Variants in CPLX2 observed in about 807,000 individuals in gnomAD.
CPLX2 encodes the protein complexin 2.
CPLX2 carries 5 observed loss-of-function variants against 16.3 expected under a neutral mutation model. That is an observed-to-expected ratio of 0.31 (90% CI 0.16 to 0.64). CPLX2 has a LOEUF of 0.64. Ranked by LOEUF, CPLX2 falls within the 30% of genes least tolerant of loss-of-function variation. The pLI is 0.79. For synonymous variants in CPLX2, 89 were observed against 73.2 expected (o/e 1.22, Z -1.10); for missense variants, 144 against 181.4 (o/e 0.79, Z 1.18).
At chr5:175,836,084 C>A (rs1231303372) in intron 2 of CPLX2, among the ~76,000 whole-genome samples, 4 of 152,272 alleles carry the variant, frequency 2.6e-5, no homozygotes, top group Non-Finnish European at 4.4e-5. Flanking sequence ...GGCGCGGTGG[C>A]TCACGCCTGT....
rs562827295 is a variant in CPLX2, at chr5:175,829,700, C to T, written c.-89+20632C>T. ...TACCCCTTGTCTGCCCTGATATGAC[C>T]CTGTAATGTGGAGAGCAGAAGACCC... On this transcript the variant is annotated intron_variant, in intron 2 of 4. Transcript: ENST00000359546. Among the ~76,000 whole-genome samples, 5 of 152,238 alleles carry T rather than the reference C, an allele frequency of 3.3e-5. No individual in the cohort carries two copies. In the South Asian group the frequency reaches 1.0e-3, roughly 32 times the overall value.
At position 175,830,941 on chromosome 5, in the gene CPLX2, G is replaced by A. The variant is rs912344482; in HGVS notation, c.-89+21873G>A. 1.3e-5 allele frequency among the ~76,000 whole-genome samples: 2 copies of A among 152,236 alleles called. No individual in the cohort carries two copies. The highest frequency in any genetic ancestry group is 2.1e-4 in the South Asian group (1 of 4,834). ...GCCCAAGGGAAACGTGCGTGTGTTC[G>A]TGCTCACACAGTTGTGTCAGTGCGA... is the stretch of plus-strand genomic sequence containing the variant. On this transcript the variant is annotated intron_variant, in intron 2 of 4. Transcript: ENST00000359546. The surrounding 1 kb of genome is among the most constrained non-coding windows in gnomAD (Gnocchi z 4.0).
At position 175,883,837 on chromosome 5, in the gene CPLX2, C is replaced by T. The variant is rs961279323; in HGVS notation, c.*3792C>T. On this transcript the variant is annotated 3_prime_UTR_variant, in exon 4 of 4. Coordinates refer to ENST00000393745, the MANE Select transcript of CPLX2 (RefSeq NM_001008220.2). ...CGTGGGGGATCCCCTTTCCCACATC[C>T]GTGCTGTGTCATTGTTGCTCTGCTT... 4 of 152,770 alleles carry T rather than the reference C, an allele frequency of 2.6e-5. No individual in the cohort carries two copies. The highest frequency in any genetic ancestry group is 9.7e-5 in the African/African-American group (4 of 41,444). The allele number at this position is 152,770 out of a possible 1,614,324, so 9.5% of individuals were successfully genotyped here. A position where few individuals can be genotyped will look rare whatever the true frequency, so the allele number is the denominator to read the frequency against.
At position 175,809,355 on chromosome 5, in the gene CPLX2, T is replaced by C. The variant is rs1275353044; in HGVS notation, c.-89+287T>C. 1 of 152,202 alleles carries C rather than the reference T, an allele frequency of 6.6e-6. No homozygotes were observed. The highest frequency in any genetic ancestry group is 2.4e-5 in the African/African-American group (1 of 41,442). The allele number at this position is 152,202 out of a possible 1,614,324, so 9.4% of individuals were successfully genotyped here. A position where few individuals can be genotyped will look rare whatever the true frequency, so the allele number is the denominator to read the frequency against. Reference sequence around the variant, plus strand: ...CAGTTACAGATGAGAAAACTGAAGCTCAGAGAGTGAAAGGACTTGCCTAAA... The same window carrying C: ...CAGTTACAGATGAGAAAACTGAAGCCCAGAGAGTGAAAGGACTTGCCTAAA... On this transcript the variant is annotated intron_variant, in intron 2 of 4. Coordinates refer to the CPLX2 transcript ENST00000359546. The surrounding 1 kb of genome is among the most constrained non-coding windows in gnomAD (Gnocchi z 4.4).
At chr5:175,827,592 T>C (rs1443365833) in intron 2 of CPLX2, among the ~76,000 whole-genome samples, 1 of 152,108 alleles carries the variant, frequency 6.6e-6, no homozygotes, top group African/African-American at 2.4e-5. Flanking sequence ...CTGTCTCTAC[T>C]AAAAATACAA....
At chr5:175,821,883 T>C (rs1204041119) in intron 2 of CPLX2, among the ~76,000 whole-genome samples, 2 of 152,090 alleles carry the variant, frequency 1.3e-5, no homozygotes, top group East Asian at 3.9e-4. Context: ...ATAAGTGAAA[T>C]GGGGAGGCTG....
intron 2 of CPLX2, among the ~76,000 whole-genome samples, chr5:175,817,204 A>G (rs1216524000): frequency 6.6e-6 from 1 of 152,224 alleles, no homozygotes; most frequent in Admixed American, 6.5e-5. Context: ...AGGATCTTAG[A>G]TGGCTCTAGA....
At chr5:175,871,433 C>CAGAGAGAGAGAGAGAGAGAGAGAGAGAG (rs1224968162), upstream of CPLX2, 1 of 27,532 alleles carries the variant, frequency 3.6e-5, no homozygotes, top group Non-Finnish European at 6.4e-5. Context: ...GAGAGAGAGA[C>CAGAGAGAGAGAGAGAGAGAGAGAGAGAG]AGAGAGAGAG....
chr5:175,860,605 A>AGGAAGGAAGGAC (rs1759355194), intron 2 of CPLX2, among the ~76,000 whole-genome samples: 3 of 148,168 alleles, frequency 2.0e-5, no homozygotes, highest in African/African-American at 7.4e-5. Context: ...GAAGGAAGGA[A>AGGAAGGAAGGAC]GGAAGGAAGG....
upstream of CPLX2, among the ~76,000 whole-genome samples, chr5:175,870,408 C>T (rs569181282): frequency 6.6e-5 from 10 of 152,250 alleles, no homozygotes; most frequent in South Asian, 2.1e-3. Context: ...GCTCTTGTTG[C>T]CCCTTCCTTG....
intron 2 of CPLX2, among the ~76,000 whole-genome samples, chr5:175,843,540 C>T (rs1341927866): frequency 1.3e-5 from 2 of 152,256 alleles, no homozygotes; most frequent in East Asian, 3.9e-4. Context: ...TTCCTGCTCA[C>T]ATCTTTGTAA....
At chr5:175,799,419 C>G (rs969239855) in intron 1 of CPLX2, among the ~76,000 whole-genome samples, 18 of 151,844 alleles carry the variant, frequency 1.2e-4, no homozygotes, top group African/African-American at 4.4e-4. Context: ...ATTTTCTTCT[C>G]TAGCTCAAAG....
intron 2 of CPLX2, among the ~76,000 whole-genome samples, chr5:175,832,449 G>C (rs1383775237): frequency 6.6e-6 from 1 of 152,236 alleles, no homozygotes; most frequent in Non-Finnish European, 1.5e-5. Context: ...TTTCTGCCAG[G>C]CTGGGCTGCC....
At chr5:175,879,633 T>A in intron 3 of CPLX2, 1 of 683,840 alleles carries the variant, frequency 1.5e-6, no homozygotes, top group South Asian at 1.5e-5. Context: ...GATGGGCAGG[T>A]GTTAATTTTA....
intron 2 of CPLX2, among the ~76,000 whole-genome samples, chr5:175,816,526 T>C (rs530812574): frequency 5.3e-5 from 8 of 152,324 alleles, no homozygotes; most frequent in South Asian, 2.1e-4. Flanking sequence ...TCACAGGCCG[T>C]TGGCCAAAAC....
chr5:175,796,913 C>G (rs1201244645), intron 1 of CPLX2: 2 of 152,234 alleles, frequency 1.3e-5, no homozygotes, highest in African/African-American at 2.4e-5. Context: ...CGGCCTCTCC[C>G]CCTCCCTGGA....
intron 2 of CPLX2, among the ~76,000 whole-genome samples, chr5:175,861,148 A>G (rs1315241232): frequency 6.6e-6 from 1 of 152,124 alleles, no homozygotes; most frequent in East Asian, 1.9e-4. Context: ...AAGACAAGTT[A>G]TTTCAACCCC....
chr5:175,831,986 G>C (rs944716851), intron 2 of CPLX2, among the ~76,000 whole-genome samples: 2 of 152,212 alleles, frequency 1.3e-5, no homozygotes, highest in Admixed American at 6.5e-5. Context: ...AAGAGGTCCA[G>C]CTCTTCCCTG....
At chr5:175,807,105 G>C (rs1404225682) in intron 1 of CPLX2, among the ~76,000 whole-genome samples, 1 of 152,190 alleles carries the variant, frequency 6.6e-6, no homozygotes, top group Non-Finnish European at 1.5e-5. Flanking sequence ...GCAAGTGCGT[G>C]CTCAACGGGC....
Sources: gnomAD v4.1 joint callset for allele counts (sites outside exome capture counted in the v4.1 genomes callset) on GRCh38, gnomAD v4.1.1 for gene constraint, Gnocchi (gnomAD v3.1) non-coding constraint, MANE v1.5 for transcripts, NCBI Gene and HGNC (gene_info 2026-07-23, HGNC 2026-07-21) for gene names.